Variants in FBXO11 observed in about 807,000 individuals in gnomAD.
The protein encoded by FBXO11 is F-box protein 11.
A neutral mutation model predicts 117.0 loss-of-function variants in FBXO11; 13 were observed. The ratio of observed to expected loss-of-function variants is 0.11; its 90% CI spans 0.07 to 0.18. The LOEUF (loss-of-function observed/expected upper bound fraction) is 0.18. FBXO11 is among the 10% of genes least tolerant of loss of function. The pLI, the probability that FBXO11 is intolerant of heterozygous loss-of-function variation, is 1.00. For missense variants in FBXO11, 767 were observed against 1,164.4 expected, an observed-to-expected ratio of 0.66 and a Z score of 4.97; for synonymous variants, 490 against 380.5, an observed-to-expected ratio of 1.29 and a Z score of -3.35.
At chr2:47,849,992 A>C (rs1416860648) in intron 1 of FBXO11, among the ~76,000 whole-genome samples, 3 of 152,240 alleles carry the variant, frequency 2.0e-5, no homozygotes, top group South Asian at 4.1e-4. Flanking sequence ...AAGATCACCC[A>C]AACAATGCAA....
chr2:47,889,810 G>GA (rs1256940043), intron 1 of FBXO11, among the ~76,000 whole-genome samples: 1 of 152,060 alleles, frequency 6.6e-6, no homozygotes, highest in East Asian at 1.9e-4. Flanking sequence ...GGTACCTTCA[G>GA]AAAAAATAGC....
At chr2:47,830,184 G>A (rs1213356906) in intron 11 of FBXO11, among the ~76,000 whole-genome samples, 1 of 152,098 alleles carries the variant, frequency 6.6e-6, no homozygotes, top group Non-Finnish European at 1.5e-5. Context: ...TGAGGTAGAA[G>A]AGCAATCTTT....
At position 47,823,154 on chromosome 2, in the gene FBXO11, G is replaced by A; in HGVS notation, c.1605C>T (p.Asp535=). ...FAGVWITSNS[D]PTIRGNSIFN... ...TTATATGTAAATACCTTATTGTTGGGTCACTATTTGAGGTAATCCATACAC... is the reference window on the plus strand; with the variant it reads ...TTATATGTAAATACCTTATTGTTGGATCACTATTTGAGGTAATCCATACAC... The change falls in exon 12 of 23, where the codon GAC becomes GAT. Residue 535 remains aspartate, a synonymous_variant. Transcript: ENST00000403359. The A allele has an allele frequency of 1.9e-6, 3 of 1,608,976 alleles. No individual in the cohort carries two copies. The highest frequency in any genetic ancestry group is 2.5e-6 in the Non-Finnish European group (3 of 1,176,942).
intron 1 of FBXO11, among the ~76,000 whole-genome samples, chr2:47,896,728 A>G (rs1157604715): frequency 6.6e-6 from 1 of 152,376 alleles, no homozygotes; most frequent in East Asian, 1.9e-4. Context: ...AATGTCTTTC[A>G]GAGAATTAAT....
chr2:47,832,749 A>C lies in FBXO11; in HGVS notation c.1153+20T>G, dbSNP rs1177998260. ...ACAGTGACTCAAAATTTTATTGTAA[A>C]ATATAAAGAAAACACTAACCTGTAC... On this transcript the variant is annotated intron_variant, in intron 9 of 22. Transcript: ENST00000403359. 15 of 1,608,344 alleles carry C rather than the reference A, an allele frequency of 9.3e-6. No individual in the cohort carries two copies. Among genetic ancestry groups the C allele is most frequent in the Non-Finnish European group, 1.2e-5 (14 of 1,175,610 alleles).
intron 1 of FBXO11, among the ~76,000 whole-genome samples, chr2:47,887,663 C>A (rs894629631): frequency 4.0e-4 from 61 of 152,110 alleles, no homozygotes; most frequent in African/African-American, 1.4e-3. Context: ...GAGTTCAAGG[C>A]CATTCTGGGC....
intron 11 of FBXO11, among the ~76,000 whole-genome samples, chr2:47,826,366 G>GT (rs1307002437): frequency 6.6e-6 from 1 of 152,056 alleles, no homozygotes; most frequent in Non-Finnish European, 1.5e-5. Context: ...TGATCCACAA[G>GT]TTTTTTAAGG....
chr2:47,851,843 T>C (rs940585092), intron 1 of FBXO11, among the ~76,000 whole-genome samples: 59 of 152,242 alleles, frequency 3.9e-4, no homozygotes, highest in Non-Finnish European at 3.2e-4. Context: ...AAAATATGGC[T>C]ATATTCTTAT....
intron 20 of FBXO11, 129 bp downstream of exon 20, chr2:47,809,471 T>C: frequency 1.3e-6 from 1 of 748,912 alleles, no homozygotes; most frequent in Non-Finnish European, 2.1e-6. Flanking sequence ...AAGCTCTGTT[T>C]CTTTCAAAAT....
chr2:47,890,971 C>T (rs529339642), intron 1 of FBXO11, among the ~76,000 whole-genome samples: 1 of 151,254 alleles, frequency 6.6e-6, no homozygotes, highest in East Asian at 1.9e-4. Flanking sequence ...GCATGTGCCA[C>T]CATACCGGGA....
At chr2:47,820,894 T>C (rs1314425924) in intron 13 of FBXO11, among the ~76,000 whole-genome samples, 1 of 152,230 alleles carries the variant, frequency 6.6e-6, no homozygotes, top group African/African-American at 2.4e-5. Context: ...TTAACCAGGT[T>C]AGAGTTACCA....
intron 1 of FBXO11, among the ~76,000 whole-genome samples, chr2:47,901,803 T>C (rs1329254190): frequency 2.0e-5 from 3 of 152,192 alleles, no homozygotes; most frequent in Non-Finnish European, 4.4e-5. Context: ...GTAAAGACAA[T>C]AAATTCATCA....
chr2:47,855,874 C>G (rs1489166568), intron 1 of FBXO11, among the ~76,000 whole-genome samples: 2 of 150,390 alleles, frequency 1.3e-5, no homozygotes, highest in Non-Finnish European at 3.0e-5. Context: ...CCTGGTGAAG[C>G]AAAGTAGAAA....
chr2:47,822,203 A>G lies in FBXO11; in HGVS notation c.1702+15T>C, dbSNP rs756166293. ...ACAAATCTATAAGTTTTATAGAACA[A>G]AACCATACGCTTACCATAAATGTCA... On this transcript the variant is annotated intron_variant, in intron 13 of 22. Coordinates refer to ENST00000403359, the MANE Select transcript of FBXO11 (RefSeq NM_001190274.2). The G allele has an allele frequency of 9.7e-6, 15 of 1,551,162 alleles. No individual in the cohort carries two copies. In the Admixed American group the frequency reaches 2.9e-4, roughly 30 times the overall value.
At chr2:47,870,887 C>T (rs1412755578) in intron 1 of FBXO11, among the ~76,000 whole-genome samples, 1 of 152,198 alleles carries the variant, frequency 6.6e-6, no homozygotes, top group African/African-American at 2.4e-5. Flanking sequence ...TTATGAAACT[C>T]TTACAAATAC....
Position 47,905,740 on chromosome 2 carries a change from G to A in FBXO11, c.-20C>T, listed in dbSNP as rs1386783345. 9.9e-6 allele frequency: 15 copies of A among 1,522,246 alleles called. No individual in the cohort carries two copies. The South Asian group carries it at 1.7e-4, about 17-fold the overall frequency. The allele number at this position is 1,522,246 out of a possible 1,614,324, so 94.3% of individuals were successfully genotyped here. A position where few individuals can be genotyped will look rare whatever the true frequency, so the allele number is the denominator to read the frequency against. On this transcript the variant is annotated 5_prime_UTR_variant, in exon 1 of 23. Transcript: ENST00000403359. ...GTTCATTTGCCGGGCTGAGGTGGCGGCGTTGGCGGAGGGACACACACACGC... is the reference window on the plus strand; with the variant it reads ...GTTCATTTGCCGGGCTGAGGTGGCGACGTTGGCGGAGGGACACACACACGC...
intron 11 of FBXO11, among the ~76,000 whole-genome samples, chr2:47,825,571 CTTTTTT>C (rs751404253): frequency 1.1e-5 from 1 of 88,312 alleles, no homozygotes; most frequent in Non-Finnish European, 2.3e-5. Context: ...TCTTCTTCTT[CTTTTTT>C]TTTTTTTTTT....
chr2:47,902,268 A>T (rs1194723373), intron 1 of FBXO11, among the ~76,000 whole-genome samples: 1 of 152,198 alleles, frequency 6.6e-6, no homozygotes, highest in Admixed American at 6.5e-5. Context: ...ATGAAATCCC[A>T]ATCTCAGGAA....
chr2:47,813,018 A>G (rs1670731188), intron 18 of FBXO11: 2 of 557,420 alleles, frequency 3.6e-6, no homozygotes, highest in Non-Finnish European at 6.4e-6. Flanking sequence ...AGGCTTACTG[A>G]CAACTGCAGA....
Sources: allele counts gnomAD v4.1 joint callset (sites outside exome capture counted in the v4.1 genomes callset), GRCh38; gene constraint gnomAD v4.1.1; transcripts MANE v1.5; gene names NCBI Gene and HGNC (gene_info 2026-07-23, HGNC 2026-07-21).